The following TACC2 variants were observed in gnomAD, a reference collection of about 807,000 sequenced individuals.
TACC2 encodes the protein transforming acidic coiled-coil-containing protein 2.
TACC2 carries 137 observed loss-of-function variants against 227.3 expected under a neutral mutation model. The ratio of observed to expected loss-of-function variants is 0.60; its 90% confidence interval spans 0.52 to 0.69. The LOEUF is 0.69. TACC2 is among the 30% of genes least tolerant of loss of function. TACC2 has a pLI of 0.00. For synonymous variants in TACC2, 1,523 were observed against 1,487.5 expected (o/e 1.02, Z -0.55); for missense variants, 3,470 against 3,694.4 (o/e 0.94, Z 1.57).
chr10:122,064,874 T>C (rs2077220840), intron 3 of TACC2, among the ~76,000 whole-genome samples: 1 of 152,188 alleles, frequency 6.6e-6, no homozygotes, highest in Non-Finnish European at 1.5e-5. Flanking sequence ...TGATGAATGC[T>C]TATAGTCCTG....
chr10:122,141,177 G>A lies in TACC2; in HGVS notation c.5700-2395G>A, dbSNP rs751842054. On this transcript the variant is annotated intron_variant, in intron 6 of 22. Transcript: ENST00000369005. The surrounding 1 kb of genome is among the most constrained non-coding windows in gnomAD (Gnocchi z 4.3). Reference sequence around the variant, plus strand: ...CTTGCTGGGAAAATTGGGGGAGGAGGAGGAGGGTCAGGAGGGAAGAGGAGA... The same window carrying A: ...CTTGCTGGGAAAATTGGGGGAGGAGAAGGAGGGTCAGGAGGGAAGAGGAGA... 2.0e-5 allele frequency among the ~76,000 whole-genome samples: 3 copies of A among 152,116 alleles called. No individual in the cohort carries two copies. The highest frequency in any genetic ancestry group is 4.4e-5 in the Non-Finnish European group (3 of 68,018).
chr10:122,088,571 A>T lies in TACC2; in HGVS notation c.5553A>T (p.Arg1851Ser). 6.2e-7 allele frequency: 1 copy of T among 1,613,548 alleles called. No individual in the cohort carries two copies. The highest frequency in any genetic ancestry group is 8.5e-7 in the Non-Finnish European group (1 of 1,179,814). ...ATAAAGTCACTTCAGATGAGACCAG[A>T]GGTGCGGAAGGAACAGAAAGGTCAG... The part of the protein sequence containing the change: ...VMDKVTSDET[R>S]GAEGTESSPV... The change falls in exon 5 of 23, where the codon AGA becomes AGT. Residue 1851 changes from arginine (R) to serine (S), a missense_variant. Physicochemically the swap from Arg to Ser is moderately radical, Grantham distance 110 (BLOSUM62 -1). This residue lies in a region of TACC2 where 1,924 missense variants were observed against 1,978.3 expected (regional missense o/e 0.97). Coordinates refer to ENST00000369005, the MANE Select transcript of TACC2 (RefSeq NM_206862.4).
chr10:122,163,729 C>CCCCCCGG, intron 7 of TACC2: 1 of 1,163,344 alleles, frequency 8.6e-7, no homozygotes, highest in Non-Finnish European at 1.1e-6. Flanking sequence ...GCGGCGCTCG[C>CCCCCCGG]CCCCCGGCCC....
At chr10:122,175,511 TG>T (rs1342438657) in intron 7 of TACC2, among the ~76,000 whole-genome samples, 1 of 152,188 alleles carries the variant, frequency 6.6e-6, no homozygotes, top group African/African-American at 2.4e-5. Flanking sequence ...GCTCACTCCT[TG>T]GGTTCACATA....
rs1168309244 is a variant in TACC2 at position 122,129,052 on chromosome 10, CTTATTTTAA to C, written c.5574-3551_5574-3543del. Among the ~76,000 whole-genome samples the C allele has an allele frequency of 2.2e-3, 197 of 91,582 alleles. 2 individuals are homozygous for C. Among genetic ancestry groups the C allele is most frequent in the South Asian group, 0.02 (41 of 2,084 alleles). The allele number at this position is 91,582 out of a possible 152,430, so 60.1% of individuals were successfully genotyped here. On this transcript the variant is annotated intron_variant, in intron 5 of 22. Transcript: ENST00000369005. ...TGCATCTAGATACATGAAGATCTAT[CTTATTTTAA>C]TTATTATTATTATTATTATTATTAT...
At chr10:122,021,745 A>G (rs904145742) in intron 1 of TACC2, among the ~76,000 whole-genome samples, 192 bp from the exon 2 acceptor site, 36 of 152,184 alleles carry the variant, frequency 2.4e-4, no homozygotes, top group African/African-American at 8.7e-4. Context: ...TGAAAACACC[A>G]GCCCGTATTG....
intron 11 of TACC2, 197 bp downstream of exon 11, chr10:122,217,025 T>C (rs1044710340): frequency 1.7e-6 from 2 of 1,152,628 alleles, no homozygotes; most frequent in Non-Finnish European, 2.4e-6. Flanking sequence ...CAGCTGTCCC[T>C]TGACCCAAGA....
intron 1 of TACC2, among the ~76,000 whole-genome samples, chr10:122,020,167 A>G (rs1421046533): frequency 1.3e-5 from 2 of 152,216 alleles, no homozygotes; most frequent in Non-Finnish European, 2.9e-5. Context: ...TGGAAGATAC[A>G]AGGAAGTTAA....
chr10:122,045,641 G>A (rs2074887261), intron 2 of TACC2, among the ~76,000 whole-genome samples: 1 of 152,208 alleles, frequency 6.6e-6, no homozygotes, highest in South Asian at 2.1e-4. Context: ...TGGACTTCAA[G>A]GTGGGAGACT....
chr10:122,041,093 G>C (rs908615555), intron 2 of TACC2, among the ~76,000 whole-genome samples: 1 of 152,222 alleles, frequency 6.6e-6, no homozygotes, highest in African/African-American at 2.4e-5. Flanking sequence ...TATGCGAGCC[G>C]TCCCCAGGGT....
chr10:122,162,822 G>A (rs1305965672), intron 7 of TACC2, among the ~76,000 whole-genome samples: 1 of 152,168 alleles, frequency 6.6e-6, no homozygotes, highest in Non-Finnish European at 1.5e-5. Context: ...GAGCTGAGCC[G>A]ATGCATGTCA....
chr10:122,045,481 TC>T (rs1430671896), intron 2 of TACC2, among the ~76,000 whole-genome samples: 3 of 152,204 alleles, frequency 2.0e-5, no homozygotes, highest in African/African-American at 7.2e-5. Flanking sequence ...AACATCGGGC[TC>T]TAAGGATTGA....
At chr10:122,055,006 G>A (rs1461732700) in intron 3 of TACC2, among the ~76,000 whole-genome samples, 2 of 152,162 alleles carry the variant, frequency 1.3e-5, no homozygotes, top group African/African-American at 4.8e-5. Context: ...GATTGCCTGA[G>A]CTCAGAAGTT....
intron 16 of TACC2, among the ~76,000 whole-genome samples, chr10:122,233,323 C>T (rs1030937854): frequency 1.1e-4 from 16 of 152,206 alleles, no homozygotes; most frequent in African/African-American, 3.6e-4. Flanking sequence ...GTCTGGGTGG[C>T]TCTCCAAGAG....
intron 19 of TACC2, among the ~76,000 whole-genome samples, chr10:122,246,270 T>A (rs1010263516): frequency 6.6e-6 from 1 of 152,104 alleles, no homozygotes; most frequent in African/African-American, 2.4e-5. Flanking sequence ...GGAGAGTTTT[T>A]GGAAATGAGG....
intron 5 of TACC2, among the ~76,000 whole-genome samples, chr10:122,111,342 G>A (rs1009587348): frequency 2.0e-5 from 3 of 152,224 alleles, no homozygotes; most frequent in African/African-American, 7.2e-5. Context: ...TGAAGGATGT[G>A]CATCTGTCAA....
At chr10:122,218,465 G>A (rs897504704) in intron 11 of TACC2, among the ~76,000 whole-genome samples, 1 of 152,106 alleles carries the variant, frequency 6.6e-6, no homozygotes, top group Non-Finnish European at 1.5e-5. Context: ...AGTCAGGCCC[G>A]GAGGCATGGT....
At chr10:122,236,757 C>T (rs887249022) in intron 16 of TACC2, among the ~76,000 whole-genome samples, 7 of 152,298 alleles carry the variant, frequency 4.6e-5, no homozygotes, top group East Asian at 1.9e-4. Flanking sequence ...TTCCCATTAA[C>T]GTAACAGACT....
chr10:122,105,362 G>T (rs7076483), intron 5 of TACC2, among the ~76,000 whole-genome samples: 74 of 152,168 alleles, frequency 4.9e-4, no homozygotes, highest in African/African-American at 1.5e-3. Context: ...GGATGAAATT[G>T]GGCATTGGCA....
Sources: gnomAD v4.1 joint callset for allele counts (sites outside exome capture counted in the v4.1 genomes callset) on GRCh38, gnomAD v4.1.1 for gene constraint, gnomAD v4.1.1 regional missense constraint, Gnocchi (gnomAD v3.1) non-coding constraint, MANE v1.5 for transcripts, NCBI Gene and HGNC (gene_info 2026-07-23, HGNC 2026-07-21) for gene names.